The following TRIM67 variants were observed in gnomAD, a reference collection of about 807,000 sequenced individuals.
TRIM67 encodes tripartite motif-containing protein 67.
In TRIM67, 39 loss-of-function variants were observed where a neutral mutation model predicts 71.0. The observed-to-expected ratio is 0.55, with a 90% confidence interval of 0.43 to 0.72. TRIM67 has a LOEUF of 0.72. Among genes scored for constraint, TRIM67 ranks in the 30% least tolerant of loss-of-function variants. TRIM67 has a pLI of 0.00. For missense variants in TRIM67, 973 were observed against 1,079.2 expected (o/e 0.90, Z 1.38); for synonymous variants, 481 against 473.9 (o/e 1.01, Z -0.19).
chr1:231,217,170 G>T lies in TRIM67; in HGVS notation c.*1730G>T, dbSNP rs952829415. 8.1e-6 allele frequency: 8 copies of T among 986,022 alleles called. No homozygotes were observed. The Middle Eastern group carries it at 2.6e-3, about 322-fold the overall frequency. The allele number at this position is 986,022 out of a possible 1,614,324, so 61.1% of individuals were successfully genotyped here. On this transcript the variant is annotated 3_prime_UTR_variant, in exon 10 of 10. Coordinates refer to ENST00000366653, the MANE Select transcript of TRIM67 (RefSeq NM_001004342.5). ...CAAAGCTCATGCTCTTGGTCTGCAA[G>T]GCTGCTTGGTCCGCTGTCTCTGCAG...
In TRIM67 at chr1:231,200,167, A is replaced by G. The variant is rs1019582329; in HGVS notation, c.1283A>G (p.Asn428Ser). 1.9e-6 allele frequency: 3 copies of G among 1,613,870 alleles called. No homozygotes were observed. Among genetic ancestry groups the G allele is most frequent in the Non-Finnish European group, 2.5e-6 (3 of 1,179,778 alleles). Residue 428 changes from asparagine (N) to serine (S), a missense_variant, in exon 4 of 10, where the codon AAT becomes AGT. By Grantham distance (46) the Asn-to-Ser change is conservative. Coordinates refer to ENST00000366653, the MANE Select transcript of TRIM67 (RefSeq NM_001004342.5). ...TTGCAGATGGTTTGGGACCAGATCA[A>G]TCACTGCACATTGAAGCTGCGTCAG... ...HKLKMVWDQI[N>S]HCTLKLRQST...
At position 231,216,323 on chromosome 1, in the gene TRIM67, A is replaced by G. The variant is rs575300034; in HGVS notation, c.*883A>G. ...ACACACACAGGCATGACAGTCTCCTAAAATTAATTCACTCAGTTCTTAGTT... is the reference window on the plus strand; with the variant it reads ...ACACACACAGGCATGACAGTCTCCTGAAATTAATTCACTCAGTTCTTAGTT... On this transcript the variant is annotated 3_prime_UTR_variant, in exon 10 of 10. Transcript: ENST00000366653. 68 of 985,376 alleles carry G rather than the reference A, an allele frequency of 6.9e-5. No homozygotes were observed. In the African/African-American group the frequency reaches 1.1e-3, roughly 16 times the overall value. 61.0% of individuals were successfully genotyped at this position (985,376 alleles called of 1,614,324 possible). A position where few individuals can be genotyped will look rare whatever the true frequency, so the allele number is the denominator to read the frequency against.
chr1:231,204,070 G>A, intron 6 of TRIM67, 58 bp downstream of exon 6: 1 of 1,599,860 alleles, frequency 6.3e-7, no homozygotes, highest in Non-Finnish European at 8.5e-7. Flanking sequence ...AGGCAGGAGT[G>A]GCTCCCACTG....
Position 231,216,727 on chromosome 1 carries a change from C to A in TRIM67, c.*1287C>A. Reference sequence around the variant, plus strand: ...GTGTGCCGAGTCTGACCTGCCAGGGCAGGACTCTGGAAACACCAGGCTTCT... The same window carrying A: ...GTGTGCCGAGTCTGACCTGCCAGGGAAGGACTCTGGAAACACCAGGCTTCT... On this transcript the variant is annotated 3_prime_UTR_variant, in exon 10 of 10. Transcript: ENST00000366653. The A allele has an allele frequency of 1.0e-6, 1 of 985,510 alleles. No individual in the cohort carries two copies. The highest frequency in any genetic ancestry group is 1.2e-6 in the Non-Finnish European group (1 of 829,982). 61.0% of individuals were successfully genotyped at this position (985,510 alleles called of 1,614,324 possible). A position where few individuals can be genotyped will look rare whatever the true frequency, so the allele number is the denominator to read the frequency against.
intron 3 of TRIM67, 66 bp from the exon 4 acceptor site, chr1:231,200,082 T>A: frequency 7.9e-7 from 1 of 1,266,176 alleles, no homozygotes; most frequent in Non-Finnish European, 1.2e-6. Context: ...GTTCTCTGAC[T>A]CTTGCGGTGG....
At chr1:231,166,537 C>T (rs1305561167) in intron 1 of TRIM67, among the ~76,000 whole-genome samples, 1 of 85,968 alleles carries the variant, frequency 1.2e-5, no homozygotes, top group Non-Finnish European at 2.3e-5. Context: ...AACATGAAGT[C>T]TCTGGATTTT....
intron 1 of TRIM67, chr1:231,185,189 C>A (rs1285537661): frequency 6.5e-7 from 1 of 1,533,012 alleles, no homozygotes. Flanking sequence ...TCCATTCCTG[C>A]ACCTTCCACC....
rs191728064 is a variant in TRIM67 at position 231,219,944 on chromosome 1, C to T, written c.*4504C>T. ...CCAAGTTCAGCCCTCGGTTACTTCC[C>T]TCTTTTAACCTGGCTTTAATAGTGA... On this transcript the variant is annotated 3_prime_UTR_variant, in exon 10 of 10. Coordinates refer to ENST00000366653, the MANE Select transcript of TRIM67 (RefSeq NM_001004342.5). 192 of 1,289,826 alleles carry T rather than the reference C, an allele frequency of 1.5e-4. No homozygotes were observed. The highest frequency in any genetic ancestry group is 1.9e-4 in the Non-Finnish European group (185 of 988,872). 79.9% of individuals were successfully genotyped at this position (1,289,826 alleles called of 1,614,324 possible). A position where few individuals can be genotyped will look rare whatever the true frequency, so the allele number is the denominator to read the frequency against.
chr1:231,209,771 C>T lies in TRIM67; in HGVS notation c.2123+521C>T, dbSNP rs1282154154. ...TAGCAGAGGGCATGGCTGGGGTGCT[C>T]ACTACTAACGAGCCTGCCAAGGGTG... is the stretch of plus-strand genomic sequence containing the variant. On this transcript the variant is annotated intron_variant, in intron 8 of 9. Coordinates refer to ENST00000366653, the MANE Select transcript of TRIM67 (RefSeq NM_001004342.5). The surrounding 1 kb of genome is among the most constrained non-coding windows in gnomAD (Gnocchi z 4.1). 6.6e-6 allele frequency among the ~76,000 whole-genome samples: 1 copy of T among 152,196 alleles called. No individual in the cohort carries two copies. The highest frequency in any genetic ancestry group is 6.5e-5 in the Admixed American group (1 of 15,284).
At position 231,163,230 on chromosome 1, in the gene TRIM67, C is replaced by G; in HGVS notation, c.261C>G (p.Gly87=). 1 of 1,495,716 alleles carries G rather than the reference C, an allele frequency of 6.7e-7. No individual in the cohort carries two copies. The highest frequency in any genetic ancestry group is 8.9e-7 in the Non-Finnish European group (1 of 1,122,826). 92.7% of individuals were successfully genotyped at this position (1,495,716 alleles called of 1,614,324 possible). The stretch of plus-strand genomic sequence containing the variant: ...GTGCAGGCGGGAGTGCAGCTGGCGG[C>G]CTCGGCGGCGGTGCGGGAGGTGGCG... ...CGGAGGSAAG[G]LGGGAGGGGD... The change falls in exon 1 of 10, where the codon GGC becomes GGG. Residue 87 remains glycine (G), a synonymous_variant. Transcript: ENST00000366653.
chr1:231,213,653 C>T lies in TRIM67; in HGVS notation c.2124-162C>T, dbSNP rs557478995. 3.9e-5 allele frequency among the ~76,000 whole-genome samples: 6 copies of T among 152,224 alleles called. No individual in the cohort carries two copies. In the South Asian group the frequency reaches 6.2e-4, roughly 16 times the overall value. On this transcript the variant is annotated intron_variant, in intron 8 of 9. Coordinates refer to ENST00000366653, the MANE Select transcript of TRIM67 (RefSeq NM_001004342.5). ...GGCTGAGGTGGGAGGATCTCCTGAG[C>T]CTGGGAGGGCGAGGCTGTTGTGCAC... is the stretch of plus-strand genomic sequence containing the variant.
At chr1:231,204,738 A>G (rs1001225238) in intron 6 of TRIM67, among the ~76,000 whole-genome samples, 4 of 152,178 alleles carry the variant, frequency 2.6e-5, no homozygotes, top group African/African-American at 9.7e-5. Flanking sequence ...CACTCATTCC[A>G]ACAAACCACT....
chr1:231,221,362 G>A lies in TRIM67; in HGVS notation c.*5922G>A, dbSNP rs1205498249. Reference sequence around the variant, plus strand: ...TGTTCCACTGAAAACACGGGGGGTAGCGGGGAGTGGTAAGGAAAGCAACTT... The same window carrying A: ...TGTTCCACTGAAAACACGGGGGGTAACGGGGAGTGGTAAGGAAAGCAACTT... On this transcript the variant is annotated 3_prime_UTR_variant, in exon 10 of 10. Transcript: ENST00000366653. 6.6e-6 allele frequency: 1 copy of A among 152,590 alleles called. No homozygotes were observed. Among genetic ancestry groups the A allele is most frequent in the Non-Finnish European group, 1.5e-5 (1 of 68,042 alleles). 9.5% of individuals were successfully genotyped at this position (152,590 alleles called of 1,614,324 possible).
At chr1:231,177,612 A>G (rs1234092508) in intron 1 of TRIM67, among the ~76,000 whole-genome samples, 2 of 152,236 alleles carry the variant, frequency 1.3e-5, no homozygotes, top group African/African-American at 4.8e-5. Context: ...CAAATGGGAT[A>G]TTCTTACAGT....
Position 231,174,862 on chromosome 1 carries a change from T to G in TRIM67, c.1044+10849T>G, listed in dbSNP as rs1164631231. On this transcript the variant is annotated intron_variant, in intron 1 of 9. Coordinates refer to ENST00000366653, the MANE Select transcript of TRIM67 (RefSeq NM_001004342.5). ...TTATGCCCTTTTTGAAACTAATAAATGCATAAATAAACAAAATAAGTAGTC... is the reference window on the plus strand; with the variant it reads ...TTATGCCCTTTTTGAAACTAATAAAGGCATAAATAAACAAAATAAGTAGTC... Among the ~76,000 whole-genome samples, 4 of 152,268 alleles carry G rather than the reference T, an allele frequency of 2.6e-5. No homozygotes were observed. The East Asian group carries it at 7.7e-4, about 29-fold the overall frequency.
chr1:231,215,250 T>G, intron 9 of TRIM67, 125 bp from the exon 10 acceptor site: 223 of 1,382,168 alleles, frequency 1.6e-4, no homozygotes, highest in Non-Finnish European at 2.0e-4. Flanking sequence ...ACAGCAGCCC[T>G]GAGCTATTGC....
chr1:231,215,616 G>T lies in TRIM67; in HGVS notation c.*176G>T. ...TTGGGGACGCAGGGAATGGGTCCACGGGCCATGCTCACAGCTGCCACTGTC... is the reference window on the plus strand; with the variant it reads ...TTGGGGACGCAGGGAATGGGTCCACTGGCCATGCTCACAGCTGCCACTGTC... On this transcript the variant is annotated 3_prime_UTR_variant, in exon 10 of 10. Coordinates refer to ENST00000366653, the MANE Select transcript of TRIM67 (RefSeq NM_001004342.5). The T allele has an allele frequency of 7.2e-7, 1 of 1,383,684 alleles. No homozygotes were observed. Among genetic ancestry groups the T allele is most frequent in the Non-Finnish European group, 9.4e-7 (1 of 1,066,016 alleles). 85.7% of individuals were successfully genotyped at this position (1,383,684 alleles called of 1,614,324 possible).
intron 1 of TRIM67, among the ~76,000 whole-genome samples, chr1:231,174,035 CTCTCTT>C (rs1049186703): frequency 2.6e-5 from 4 of 152,092 alleles, no homozygotes; most frequent in Admixed American, 2.0e-4. Context: ...TCTCTATCCT[CTCTCTT>C]TCTCTTTCTC....
At position 231,218,544 on chromosome 1, in the gene TRIM67, C is replaced by G. The variant is rs1010778588; in HGVS notation, c.*3104C>G. ...CCTCACTGCATACATAGCATCCCAG[C>G]TCCTAATTCAAAGCAGGGGAAGGTA... On this transcript the variant is annotated 3_prime_UTR_variant, in exon 10 of 10. Transcript: ENST00000366653. 1 of 985,310 alleles carries G rather than the reference C, an allele frequency of 1.0e-6. No individual in the cohort carries two copies. The highest frequency in any genetic ancestry group is 1.2e-6 in the Non-Finnish European group (1 of 829,950). 61.0% of individuals were successfully genotyped at this position (985,310 alleles called of 1,614,324 possible). A position where few individuals can be genotyped will look rare whatever the true frequency, so the allele number is the denominator to read the frequency against.
Sources: allele counts gnomAD v4.1 joint callset (sites outside exome capture counted in the v4.1 genomes callset), GRCh38; gene constraint gnomAD v4.1.1; non-coding constraint Gnocchi (gnomAD v3.1); transcripts MANE v1.5; gene names NCBI Gene and HGNC (gene_info 2026-07-23, HGNC 2026-07-21).